GALNT13: variants seen among roughly 807,000 people sequenced by gnomAD.
GALNT13 encodes polypeptide N-acetylgalactosaminyltransferase 13.
Under a neutral mutation model 64.2 loss-of-function variants are expected in GALNT13, and 28 were observed. The observed-to-expected ratio is 0.44, with a 90% CI of 0.32 to 0.60. The LOEUF is 0.60. Among genes scored for constraint, GALNT13 ranks in the 20% least tolerant of loss-of-function variants. The pLI, the probability that GALNT13 is intolerant of heterozygous loss-of-function variation, is 0.05. For missense variants in GALNT13, 577 were observed against 669.8 expected, an observed-to-expected ratio of 0.86 and a Z score of 1.53; for synonymous variants, 214 against 224.6, an observed-to-expected ratio of 0.95 and a Z score of 0.42.
At chr2:153,869,597 T>C (rs1409124852), upstream of GALNT13, among the ~76,000 whole-genome samples, 1 of 152,206 alleles carries the variant, frequency 6.6e-6, no homozygotes, top group Admixed American at 6.5e-5. Context: ...GTGCATCATA[T>C]CATGAGGCTC....
chr2:153,196,750 T>C, the GALNT13 span, among the ~76,000 whole-genome samples: 7 of 151,940 alleles, frequency 4.6e-5, no homozygotes, highest in African/African-American at 7.2e-5. Context: ...CTGACCCCAC[T>C]GTGGCAGCCC....
the GALNT13 span, among the ~76,000 whole-genome samples, chr2:153,429,887 A>G: frequency 1.7e-4 from 26 of 152,288 alleles, no homozygotes; most frequent in South Asian, 5.0e-3. Flanking sequence ...GGCAGTAAGC[A>G]CTTAATATTT....
At chr2:154,391,523 G>A (rs925666908) in intron 9 of GALNT13, among the ~76,000 whole-genome samples, 30 of 152,124 alleles carry the variant, frequency 2.0e-4, no homozygotes, top group Non-Finnish European at 2.2e-4. Context: ...AGTGGGGAAG[G>A]CAATGAAACC....
chr2:154,090,326 T>C (rs1314206722), intron 3 of GALNT13, among the ~76,000 whole-genome samples: 3 of 152,098 alleles, frequency 2.0e-5, no homozygotes, highest in Non-Finnish European at 2.9e-5. Context: ...GTCAGCTCAA[T>C]TTCTATTTTA....
At chr2:153,275,795 C>G in the GALNT13 span, among the ~76,000 whole-genome samples, 1 of 151,876 alleles carries the variant, frequency 6.6e-6, no homozygotes, top group African/African-American at 2.4e-5. Flanking sequence ...CAGTATTTTT[C>G]CATGGCAGAT....
intron 3 of GALNT13, among the ~76,000 whole-genome samples, chr2:154,034,546 G>A (rs1016142404): frequency 7.1e-6 from 1 of 141,830 alleles, no homozygotes; most frequent in Admixed American, 6.9e-5. Context: ...AATAGTGTAC[G>A]TCGTACTCAT....
the GALNT13 span, among the ~76,000 whole-genome samples, chr2:153,222,335 G>GGGGGGT: frequency 2.6e-5 from 1 of 38,466 alleles, no homozygotes; most frequent in East Asian, 3.5e-4. Flanking sequence ...GGTGGGGTGG[G>GGGGGGT]GGGGGGGGTT....
chr2:154,101,660 A>G (rs1574500600), intron 3 of GALNT13, among the ~76,000 whole-genome samples: 1 of 151,720 alleles, frequency 6.6e-6, no homozygotes, highest in African/African-American at 2.4e-5. Flanking sequence ...TTTAATTTTG[A>G]TCTGATCTTT....
chr2:153,611,093 G>C, the GALNT13 span, among the ~76,000 whole-genome samples: 1 of 152,110 alleles, frequency 6.6e-6, no homozygotes, highest in African/African-American at 2.4e-5. Flanking sequence ...TGACTTAAAT[G>C]GCTTTGAGAC....
intron 9 of GALNT13, among the ~76,000 whole-genome samples, chr2:154,311,535 C>A (rs542321248): frequency 5.9e-5 from 9 of 152,012 alleles, no homozygotes; most frequent in African/African-American, 2.2e-4. Flanking sequence ...GGAGACAGGG[C>A]GAGATCACAG....
At chr2:153,704,758 T>C in the GALNT13 span, among the ~76,000 whole-genome samples, 4 of 152,186 alleles carry the variant, frequency 2.6e-5, no homozygotes, top group South Asian at 8.3e-4. Flanking sequence ...GGCTGAAATC[T>C]TGCAGTTAGG....
At chr2:154,429,437 A>T (rs1358998901) in intron 11 of GALNT13, among the ~76,000 whole-genome samples, 1 of 152,224 alleles carries the variant, frequency 6.6e-6, no homozygotes, top group Non-Finnish European at 1.5e-5. Context: ...AAATGCCTTT[A>T]CACCAAAACT....
At chr2:153,482,053 T>C in the GALNT13 span, among the ~76,000 whole-genome samples, 8 of 152,046 alleles carry the variant, frequency 5.3e-5, no homozygotes, top group Non-Finnish European at 1.2e-4. Context: ...ATAAGCAAAA[T>C]AGTTTATTGA....
intron 9 of GALNT13, among the ~76,000 whole-genome samples, chr2:154,324,395 C>T (rs1356932757): frequency 6.6e-6 from 1 of 151,444 alleles, no homozygotes; most frequent in African/African-American, 2.4e-5. Flanking sequence ...CAACTTTGTC[C>T]ACTGGAGGAT....
intron 3 of GALNT13, among the ~76,000 whole-genome samples, chr2:153,980,312 G>T (rs1156272656): frequency 6.6e-6 from 1 of 152,114 alleles, no homozygotes; most frequent in East Asian, 1.9e-4. Context: ...CACTAAAAAG[G>T]ATTACTAATT....
the GALNT13 span, among the ~76,000 whole-genome samples, chr2:153,314,503 A>G: frequency 2.6e-5 from 4 of 152,168 alleles, no homozygotes; most frequent in Admixed American, 2.0e-4. Context: ...TCTCAATTAT[A>G]TTTGGAGCAT....
At chr2:153,372,595 G>A in the GALNT13 span, among the ~76,000 whole-genome samples, 1 of 151,442 alleles carries the variant, frequency 6.6e-6, no homozygotes, top group African/African-American at 2.4e-5. Flanking sequence ...GCAGTGAGCC[G>A]AGATCGTGCC....
At chr2:153,727,865 A>G in the GALNT13 span, among the ~76,000 whole-genome samples, 2 of 152,098 alleles carry the variant, frequency 1.3e-5, no homozygotes, top group East Asian at 1.9e-4. Context: ...CGTATGCATT[A>G]GGTATTTGTC....
chr2:154,381,665 C>A (rs1698279242), intron 9 of GALNT13, among the ~76,000 whole-genome samples: 1 of 152,062 alleles, frequency 6.6e-6, no homozygotes, highest in Admixed American at 6.6e-5. Context: ...AATGTGGGTT[C>A]TTTCACTTAC....
Sources: allele counts gnomAD v4.1 joint callset (sites outside exome capture counted in the v4.1 genomes callset), GRCh38; gene constraint gnomAD v4.1.1; transcripts MANE v1.5; gene names NCBI Gene and HGNC (gene_info 2026-07-23, HGNC 2026-07-21).